The following CADM2 variants were observed in gnomAD, a reference collection of about 807,000 sequenced individuals.
The protein encoded by CADM2 is cell adhesion molecule 2.
In CADM2, 12 loss-of-function variants were observed where a neutral mutation model predicts 49.8. That is an observed-to-expected ratio of 0.24 (90% CI 0.15 to 0.39). CADM2 has a LOEUF of 0.39. Ranked by LOEUF, CADM2 falls within the 10% of genes least tolerant of loss-of-function variation. The pLI is 1.00. For synonymous variants in CADM2, 214 were observed against 175.4 expected, an observed-to-expected ratio of 1.22 and a Z score of -1.74; for missense variants, 378 against 492.3, an observed-to-expected ratio of 0.77 and a Z score of 2.20.
At chr3:86,054,392 C>T (rs748686844) in intron 8 of CADM2, among the ~76,000 whole-genome samples, 28 of 151,968 alleles carry the variant, frequency 1.8e-4, no homozygotes, top group Non-Finnish European at 3.8e-4. Flanking sequence ...CATTTTAGAA[C>T]TGACTTGTTT....
chr3:85,017,402 C>T (rs184049252), intron 1 of CADM2, among the ~76,000 whole-genome samples: 6 of 152,264 alleles, frequency 3.9e-5, no homozygotes, highest in Admixed American at 3.3e-4. Context: ...GCTCGAGGTA[C>T]CTTTGCATGA....
chr3:85,997,127 GT>G lies in CADM2; in HGVS notation c.970+35484del, dbSNP rs142206867. Among the ~76,000 whole-genome samples the G allele has an allele frequency of 4.4e-4, 67 of 152,246 alleles. No individual in the cohort carries two copies. The East Asian group carries it at 5.8e-3, about 13-fold the overall frequency. ...TGCAGTTTGGCTCTAAAATGAAAGT[GT>G]TTTGTTTAAATTATATTTGAAGGTT... On this transcript the variant is annotated intron_variant, in intron 8 of 9. Coordinates refer to ENST00000383699, the MANE Select transcript of CADM2 (RefSeq NM_001167675.2).
chr3:85,421,871 G>A (rs892958236), intron 1 of CADM2, among the ~76,000 whole-genome samples: 1 of 152,166 alleles, frequency 6.6e-6, no homozygotes, highest in Non-Finnish European at 1.5e-5. Flanking sequence ...GTATCAAAAC[G>A]AACATTCGTT....
chr3:85,209,233 C>T (rs2041720421), intron 1 of CADM2, among the ~76,000 whole-genome samples: 1 of 152,086 alleles, frequency 6.6e-6, no homozygotes, highest in Non-Finnish European at 1.5e-5. Flanking sequence ...CTCAAGTAGA[C>T]AGCTTTTTAA....
intron 1 of CADM2, among the ~76,000 whole-genome samples, chr3:85,470,518 T>A (rs2038720870): frequency 6.6e-6 from 1 of 152,178 alleles, no homozygotes; most frequent in South Asian, 2.1e-4. Flanking sequence ...GAGAGTTCAA[T>A]AGTCTGAAAT....
intron 8 of CADM2, among the ~76,000 whole-genome samples, chr3:86,010,996 G>C (rs1451155873): frequency 1.3e-5 from 2 of 151,736 alleles, no homozygotes; most frequent in Non-Finnish European, 2.9e-5. Flanking sequence ...AAAAATTACA[G>C]ATAATGTGGA....
chr3:85,923,179 C>T (rs1057352153), intron 6 of CADM2, among the ~76,000 whole-genome samples: 1 of 152,068 alleles, frequency 6.6e-6, no homozygotes, highest in Non-Finnish European at 1.5e-5. Context: ...AACATGTTTC[C>T]ATTTATGGAC....
chr3:85,967,140 C>T (rs994982730), intron 8 of CADM2, among the ~76,000 whole-genome samples: 1 of 151,632 alleles, frequency 6.6e-6, no homozygotes, highest in African/African-American at 2.4e-5. Flanking sequence ...ATATTATAGA[C>T]TGCTGGATCA....
chr3:85,825,228 G>T (rs1202069239), intron 3 of CADM2, among the ~76,000 whole-genome samples: 2 of 151,906 alleles, frequency 1.3e-5, no homozygotes, highest in Admixed American at 6.6e-5. Context: ...AAAACACATG[G>T]CACCATCAAA....
chr3:86,017,138 A>T (rs1007388903), intron 8 of CADM2, among the ~76,000 whole-genome samples: 2 of 144,026 alleles, frequency 1.4e-5, no homozygotes, highest in African/African-American at 5.4e-5. Flanking sequence ...TGGAAAAAAA[A>T]TGTGTGTATA....
intron 1 of CADM2, among the ~76,000 whole-genome samples, chr3:85,549,774 C>T (rs2061754177): frequency 6.7e-6 from 1 of 149,064 alleles, no homozygotes; most frequent in Admixed American, 6.9e-5. Context: ...CAGGCATGTG[C>T]CACCATGCTG....
rs2033339654 is a variant in CADM2 at position 84,999,372 on chromosome 3, T to TCATTATCATTGAAC, written c.61+39705_61+39718dup. On this transcript the variant is annotated intron_variant, in intron 1 of 9. Transcript: ENST00000383699. ...ACCGTATTTAATATATATCGTTGAA[T>TCATTATCATTGAAC]CATTATCATTGAACTCATGCCGACA... is the stretch of plus-strand genomic sequence containing the variant. Among the ~76,000 whole-genome samples the TCATTATCATTGAAC allele has an allele frequency of 2.0e-5, 3 of 152,250 alleles. No homozygotes were observed. In the South Asian group the frequency reaches 6.2e-4, roughly 32 times the overall value.
intron 2 of CADM2, among the ~76,000 whole-genome samples, chr3:85,728,238 T>G (rs1478213997): frequency 2.6e-5 from 4 of 152,170 alleles, no homozygotes; most frequent in Non-Finnish European, 4.4e-5. Context: ...CTGTATCCAA[T>G]TTAGTGCCTT....
At chr3:85,990,825 G>T (rs1728693519) in intron 8 of CADM2, among the ~76,000 whole-genome samples, 1 of 152,156 alleles carries the variant, frequency 6.6e-6, no homozygotes, top group African/African-American at 2.4e-5. Flanking sequence ...GCCATGCGAG[G>T]CTTCTTAGAA....
intron 1 of CADM2, among the ~76,000 whole-genome samples, chr3:85,073,789 T>C (rs1317896993): frequency 6.6e-6 from 1 of 152,160 alleles, no homozygotes; most frequent in Non-Finnish European, 1.5e-5. Flanking sequence ...TATTTCACAC[T>C]GACAGCACCT....
At chr3:85,620,656 A>C (rs2063946383) in intron 1 of CADM2, among the ~76,000 whole-genome samples, 1 of 152,098 alleles carries the variant, frequency 6.6e-6, no homozygotes. Flanking sequence ...TTTCTAAAAT[A>C]AATTTTGATT....
chr3:85,493,455 T>G (rs1011238452), intron 1 of CADM2, among the ~76,000 whole-genome samples: 21 of 152,212 alleles, frequency 1.4e-4, no homozygotes, highest in African/African-American at 4.3e-4. Context: ...CTGTACATTT[T>G]TTCTTACGTG....
At chr3:85,461,179 C>T (rs2038228853) in intron 1 of CADM2, among the ~76,000 whole-genome samples, 1 of 152,010 alleles carries the variant, frequency 6.6e-6, no homozygotes. Context: ...GAGATGTACA[C>T]ACTTTGAAGA....
intron 1 of CADM2, among the ~76,000 whole-genome samples, chr3:85,349,157 G>T (rs1165788498): frequency 6.6e-6 from 1 of 152,106 alleles, no homozygotes; most frequent in Non-Finnish European, 1.5e-5. Flanking sequence ...CCTATTCAGA[G>T]ATTTCAATTG....
Sources: gnomAD v4.1 joint callset for allele counts (sites outside exome capture counted in the v4.1 genomes callset) on GRCh38, gnomAD v4.1.1 for gene constraint, MANE v1.5 for transcripts, NCBI Gene and HGNC (gene_info 2026-07-23, HGNC 2026-07-21) for gene names.